The following SFI1 variants were observed in gnomAD, a reference collection of about 807,000 sequenced individuals.
The protein encoded by SFI1 is protein SFI1 homolog.
In SFI1, 195 loss-of-function variants were observed where a neutral mutation model predicts 207.5. That is an observed-to-expected ratio of 0.94 (90% CI 0.84 to 1.06). The LOEUF (loss-of-function observed/expected upper bound fraction) is 1.06, where lower values mean the gene tolerates loss of function less well. Among genes scored for constraint, SFI1 ranks in the 50% least tolerant of loss-of-function variants. SFI1 has a pLI of 0.00. For missense variants in SFI1, 1,634 were observed against 1,588.0 expected (o/e 1.03, Z -0.49); for synonymous variants, 630 against 598.9 (o/e 1.05, Z -0.76).
At chr22:31,534,112 C>T (rs2058760060) in intron 4 of SFI1, among the ~76,000 whole-genome samples, 1 of 152,018 alleles carries the variant, frequency 6.6e-6, no homozygotes, top group African/African-American at 2.4e-5. Context: ...CATTATTACT[C>T]TCATTTTATT....
At chr22:31,599,967 C>A (rs62237818) in intron 15 of SFI1, among the ~76,000 whole-genome samples, 6,682 of 151,988 alleles carry the variant, frequency 0.044, 126 homozygotes, top group Non-Finnish European at 0.05. Context: ...AAGACATCCT[C>A]CTGCCTCAGC....
Position 31,604,862 on chromosome 22 carries a change from C to G in SFI1, c.1978-7C>G. 2.5e-6 allele frequency: 4 copies of G among 1,611,300 alleles called. No homozygotes were observed. Among genetic ancestry groups the G allele is most frequent in the Non-Finnish European group, 2.5e-6 (3 of 1,178,606 alleles). On this transcript the variant is annotated splice_polypyrimidine_tract_variant and splice_region_variant and intron_variant, in intron 19 of 32. Coordinates refer to ENST00000400288, the MANE Select transcript of SFI1 (RefSeq NM_001007467.3). Reference sequence around the variant, plus strand: ...AGAGCAGCCTCAGTCTTCCTTGTCCCCTACAGACTTACCAGGGCAGGGTGC... The same window carrying G: ...AGAGCAGCCTCAGTCTTCCTTGTCCGCTACAGACTTACCAGGGCAGGGTGC...
At chr22:31,595,046 G>T (rs1035694135) in intron 15 of SFI1, among the ~76,000 whole-genome samples, 4 of 151,752 alleles carry the variant, frequency 2.6e-5, no homozygotes, top group Non-Finnish European at 5.9e-5. Context: ...GCCCAGGCTG[G>T]CATGCAGTGG....
At chr22:31,591,045 G>C (rs1032576549) in intron 15 of SFI1, among the ~76,000 whole-genome samples, 1 of 151,290 alleles carries the variant, frequency 6.6e-6, no homozygotes, top group African/African-American at 2.4e-5. Context: ...TGGGACAATA[G>C]TGGAGGGAAG....
Position 31,549,006 on chromosome 22 carries a change from G to A in SFI1, c.450-1248G>A, listed in dbSNP as rs932992645. 4.0e-5 allele frequency among the ~76,000 whole-genome samples: 6 copies of A among 151,806 alleles called. No homozygotes were observed. The East Asian group carries it at 5.8e-4, about 15-fold the overall frequency. On this transcript the variant is annotated intron_variant, in intron 5 of 32. Coordinates refer to ENST00000400288, the MANE Select transcript of SFI1 (RefSeq NM_001007467.3). Reference sequence around the variant, plus strand: ...TTAAGATAATTAGGATGTGACTGTCGGCCAGGCATGGTAGCTCACACCTGT... The same window carrying A: ...TTAAGATAATTAGGATGTGACTGTCAGCCAGGCATGGTAGCTCACACCTGT...
chr22:31,614,706 A>G (rs914675416), intron 27 of SFI1, 83 bp from the exon 28 acceptor site: 12 of 1,489,718 alleles, frequency 8.1e-6, no homozygotes, highest in Non-Finnish European at 1.1e-5. Context: ...GTCTCCCTAT[A>G]AAATTGGAGA....
intron 7 of SFI1, 111 bp from the exon 8 acceptor site, chr22:31,561,179 C>T (rs1297696619): frequency 5.0e-6 from 4 of 792,602 alleles, no homozygotes; most frequent in Non-Finnish European, 8.1e-6. Context: ...AGAGATGGTA[C>T]TATGAAGGAG....
intron 27 of SFI1, 39 bp from the exon 28 acceptor site, chr22:31,614,749 CT>C (rs1417543229): frequency 1.2e-6 from 2 of 1,610,432 alleles, no homozygotes; most frequent in Non-Finnish European, 1.7e-6. Context: ...CCTGCAGCCC[CT>C]GGTCAGCCCA....
intron 7 of SFI1, among the ~76,000 whole-genome samples, chr22:31,559,284 T>G (rs1402986875): frequency 6.6e-6 from 1 of 151,710 alleles, no homozygotes. Context: ...TTAGCCTGGT[T>G]TGATGGTGCA....
chr22:31,615,021 C>A, intron 28 of SFI1, 27 bp from the exon 29 acceptor site: 1 of 1,608,490 alleles, frequency 6.2e-7, no homozygotes. Context: ...TGTGGCCTGA[C>A]CAGGCTCTTG....
intron 4 of SFI1, among the ~76,000 whole-genome samples, chr22:31,533,363 A>G (rs1053756773): frequency 4.6e-5 from 7 of 152,262 alleles, no homozygotes; most frequent in Admixed American, 4.6e-4. Context: ...CTTTGTCTCT[A>G]CTGAAAATAC....
chr22:31,518,528 T>A (rs1380667667), intron 2 of SFI1, among the ~76,000 whole-genome samples: 1 of 152,200 alleles, frequency 6.6e-6, no homozygotes, highest in African/African-American at 2.4e-5. Context: ...TTTTCTCTCT[T>A]CCTGGTCAGT....
At chr22:31,514,026 C>T (rs966396811) in intron 2 of SFI1, among the ~76,000 whole-genome samples, 7 of 150,954 alleles carry the variant, frequency 4.6e-5, no homozygotes, top group Non-Finnish European at 7.4e-5. Context: ...TCCAGCTACT[C>T]GGGAAGCTGA....
intron 2 of SFI1, among the ~76,000 whole-genome samples, chr22:31,518,567 T>C (rs919575015): frequency 2.0e-5 from 3 of 152,210 alleles, no homozygotes; most frequent in African/African-American, 7.2e-5. Flanking sequence ...TATTAGTCTT[T>C]TTAAGGAACC....
intron 5 of SFI1, 143 bp from the exon 6 acceptor site, chr22:31,550,111 T>C: frequency 1.8e-6 from 1 of 561,022 alleles, no homozygotes; most frequent in Non-Finnish European, 3.2e-6. Context: ...GTATTTTTAG[T>C]TGAGATGGGG....
intron 2 of SFI1, among the ~76,000 whole-genome samples, chr22:31,509,673 G>A (rs565542092): frequency 1.3e-5 from 2 of 152,224 alleles, no homozygotes; most frequent in East Asian, 1.9e-4. Flanking sequence ...AATACTTTGC[G>A]TCCTTCAATT....
chr22:31,583,048 T>C (rs1026182135), intron 12 of SFI1, among the ~76,000 whole-genome samples: 4 of 152,124 alleles, frequency 2.6e-5, no homozygotes, highest in African/African-American at 4.8e-5. Context: ...CTCAACCTCC[T>C]GAGGAGCTAG....
rs533277670 is a variant in SFI1, at chr22:31,501,332, C to T, written c.-31+4695C>T. On this transcript the variant is annotated intron_variant, in intron 1 of 32. Coordinates refer to ENST00000400288, the MANE Select transcript of SFI1 (RefSeq NM_001007467.3). Reference sequence around the variant, plus strand: ...GACTACAGGCGCCCGCCACCACGCCCGGCTAATTTTTTGTATTTTTAGTAG... The same window carrying T: ...GACTACAGGCGCCCGCCACCACGCCTGGCTAATTTTTTGTATTTTTAGTAG... Among the ~76,000 whole-genome samples the T allele has an allele frequency of 6.6e-5, 10 of 151,874 alleles. No individual in the cohort carries two copies. In the East Asian group the frequency reaches 9.7e-4, roughly 15 times the overall value.
chr22:31,550,363 TC>T lies in SFI1; in HGVS notation c.544+17del, dbSNP rs2060514716. The T allele has an allele frequency of 1.2e-6, 2 of 1,606,890 alleles. No individual in the cohort carries two copies. The highest frequency in any genetic ancestry group is 1.3e-5 in the African/African-American group (1 of 74,760). On this transcript the variant is annotated intron_variant, in intron 6 of 32. Transcript: ENST00000400288. ...CGAGGTTCATGGTGAGAAAAAGAAG[TC>T]CATGTCTGAAGAAGATGCCCACATT...
Sources: gnomAD v4.1 joint callset for allele counts (sites outside exome capture counted in the v4.1 genomes callset) on GRCh38, gnomAD v4.1.1 for gene constraint, MANE v1.5 for transcripts, NCBI Gene and HGNC (gene_info 2026-07-23, HGNC 2026-07-21) for gene names.